The following PPP2R3B variants were observed in gnomAD, a reference collection of about 807,000 sequenced individuals.
The protein encoded by PPP2R3B is serine/threonine-protein phosphatase 2A regulatory subunit B'' subunit beta.
In PPP2R3B, 68 loss-of-function variants were observed where a neutral mutation model predicts 72.9. The observed-to-expected ratio is 0.93, with a 90% CI of 0.77 to 1.14. The LOEUF (loss-of-function observed/expected upper bound fraction) is 1.14, where lower values mean the gene tolerates loss of function less well. Ranked by LOEUF, PPP2R3B falls within the 50% of genes most tolerant of loss-of-function variation. The pLI is 0.00. For synonymous variants in PPP2R3B, 466 were observed against 375.8 expected, an observed-to-expected ratio of 1.24 and a Z score of -2.78; for missense variants, 1,018 against 842.0, an observed-to-expected ratio of 1.21 and a Z score of -2.59.
At chrX:357,611 CAAGGA>C (rs894607372) in intron 2 of PPP2R3B, among the ~76,000 whole-genome samples, 2 of 151,982 alleles carry the variant, frequency 1.3e-5, no homozygotes, top group Non-Finnish European at 2.9e-5. Context: ...TCGTACAAGA[CAAGGA>C]AAAGCTTTAG....
At chrX:366,630 A>ATG (rs2071714001) in intron 1 of PPP2R3B, among the ~76,000 whole-genome samples, 1 of 6,978 alleles carries the variant, frequency 1.4e-4, no homozygotes, top group Non-Finnish European at 2.5e-4. Flanking sequence ...CACAGGAGGC[A>ATG]GAGGTTGCAG....
Position 386,796 on chromosome X carries a change from G to T in PPP2R3B, c.-105C>A. ...CTCGGTGATGCGAGCACGGCCCGCT[G>T]AGGGGGCGCGGCGCAGGGAACAGGG... is the stretch of plus-strand genomic sequence containing the variant. On this transcript the variant is annotated 5_prime_UTR_variant, in exon 1 of 13. Transcript: ENST00000390665. The T allele has an allele frequency of 1.5e-6, 1 of 648,170 alleles. No homozygotes were observed. The highest frequency in any genetic ancestry group is 2.1e-6 in the Non-Finnish European group (1 of 484,696). The allele number at this position is 648,170 out of a possible 1,614,324, so 40.2% of individuals were successfully genotyped here.
chrX:386,609 G>T lies in PPP2R3B; in HGVS notation c.83C>A (p.Thr28Lys), dbSNP rs770624878. ...LFLYWLSEAS[T>K]QRMLQDCLRR... ...CAGGCAGTCCTGCAGCATCCGCTGCGTGCTGGCCTCGCTGAGCCAGTACAG... is the reference window on the plus strand; with the variant it reads ...CAGGCAGTCCTGCAGCATCCGCTGCTTGCTGGCCTCGCTGAGCCAGTACAG... Residue 28 changes from threonine (T) to lysine (K), a missense_variant, in exon 1 of 13, where the codon ACG becomes AAG. Thr to Lys is a moderately conservative substitution (Grantham distance 78, BLOSUM62 -1). Coordinates refer to ENST00000390665, the MANE Select transcript of PPP2R3B (RefSeq NM_013239.5). 2.1e-6 allele frequency: 3 copies of T among 1,447,908 alleles called. No individual in the cohort carries two copies. The highest frequency in any genetic ancestry group is 2.7e-6 in the Non-Finnish European group (3 of 1,101,140). 89.7% of individuals were successfully genotyped at this position (1,447,908 alleles called of 1,614,324 possible).
At chrX:356,922 TC>T (rs2045164959) in intron 2 of PPP2R3B, among the ~76,000 whole-genome samples, 1 of 106,764 alleles carries the variant, frequency 9.4e-6, no homozygotes, top group African/African-American at 3.5e-5. Flanking sequence ...AACCACGCCT[TC>T]GCCAGCCACA....
rs1458026948 is a variant in PPP2R3B at position 347,625 on chromosome X, G to A, written c.579C>T (p.Ser193=). The A allele has an allele frequency of 7.6e-6, 12 of 1,578,398 alleles. No individual in the cohort carries two copies. The highest frequency in any genetic ancestry group is 4.6e-5 in the South Asian group (4 of 87,336). ...TGGCGACGAACTTGTGGACGGACAC[G>A]GAGCCCGTGCGCTCCCCGCCGGCGC... ...FYGAGGERTG[S]VSVHKFVAMW... Residue 193 remains serine, a synonymous_variant, in exon 3 of 13, where the codon TCC becomes TCT. Transcript: ENST00000390665.
At chrX:363,856 C>T (rs1043182457) in intron 1 of PPP2R3B, among the ~76,000 whole-genome samples, 14 of 152,274 alleles carry the variant, frequency 9.2e-5, no homozygotes, top group Non-Finnish European at 1.6e-4. Flanking sequence ...CGCGAATATT[C>T]TGCAGTGAGC....
chrX:369,306 C>T (rs752824529), intron 1 of PPP2R3B, among the ~76,000 whole-genome samples: 9 of 152,270 alleles, frequency 5.9e-5, no homozygotes, highest in Admixed American at 2.0e-4. Flanking sequence ...TTTAAATCCT[C>T]CTCAGTACGT....
intron 1 of PPP2R3B, among the ~76,000 whole-genome samples, chrX:363,683 A>G (rs5945447): frequency 0.43 from 4,697 of 10,844 alleles, 256 homozygotes; most frequent in South Asian, 0.47. Flanking sequence ...GCATCTCCCC[A>G]AGCCCGCGAT....
intron 1 of PPP2R3B, among the ~76,000 whole-genome samples, chrX:383,837 CAAAAA>C (rs757960788): frequency 7.3e-3 from 332 of 45,526 alleles, no homozygotes; most frequent in African/African-American, 0.021. Flanking sequence ...GACTCCGTCT[CAAAAA>C]AAAAAAAAAA....
intron 2 of PPP2R3B, among the ~76,000 whole-genome samples, chrX:351,218 G>C (rs543006425): frequency 0.022 from 3,369 of 152,282 alleles, 51 homozygotes; most frequent in Non-Finnish European, 0.033. Context: ...CTGGCCACCT[G>C]GAAGGGCGTC....
At chrX:375,914 C>G (rs73613897) in intron 1 of PPP2R3B, among the ~76,000 whole-genome samples, 3 of 151,550 alleles carry the variant, frequency 2.0e-5, no homozygotes, top group African/African-American at 7.3e-5. Context: ...TGGAACACAG[C>G]CAGGCACAGT....
rs773266197 is a variant in PPP2R3B at position 378,000 on chromosome X, A to G, written c.324+8368T>C. Among the ~76,000 whole-genome samples, 4 of 151,708 alleles carry G rather than the reference A, an allele frequency of 2.6e-5. No homozygotes were observed. In the East Asian group the frequency reaches 7.8e-4, roughly 30 times the overall value. The stretch of plus-strand genomic sequence containing the variant: ...GTGGGGCCGCCATGGGGCTGTCTAT[A>G]CACTACTGTGTACAGGGACGGGCCG... On this transcript the variant is annotated intron_variant, in intron 1 of 12. Coordinates refer to ENST00000390665, the MANE Select transcript of PPP2R3B (RefSeq NM_013239.5).
chrX:359,523 G>A (rs565915393), intron 2 of PPP2R3B, among the ~76,000 whole-genome samples: 29 of 152,276 alleles, frequency 1.9e-4, no homozygotes, highest in African/African-American at 6.5e-4. Flanking sequence ...GTTTGCAACC[G>A]ACTGTAAGAA....
At chrX:371,052 C>A (rs1053464604) in intron 1 of PPP2R3B, among the ~76,000 whole-genome samples, 2 of 152,008 alleles carry the variant, frequency 1.3e-5, no homozygotes, top group African/African-American at 4.8e-5. Context: ...GAGGGCCAGG[C>A]TAGGCAGCAC....
intron 1 of PPP2R3B, among the ~76,000 whole-genome samples, chrX:379,069 C>CTG (rs572904464): frequency 0.38 from 56,217 of 148,480 alleles, 10,581 homozygotes; most frequent in African/African-American, 0.41. Flanking sequence ...GTGTATGCAC[C>CTG]TGTGTGTGTG....
At chrX:363,981 C>T (rs774175820) in intron 1 of PPP2R3B, among the ~76,000 whole-genome samples, 33 of 152,362 alleles carry the variant, frequency 2.2e-4, no homozygotes, top group East Asian at 7.7e-4. Flanking sequence ...TTCTAGACGG[C>T]GCCCACAGGC....
chrX:334,100 G>C lies in PPP2R3B; in HGVS notation c.*267C>G. On this transcript the variant is annotated 3_prime_UTR_variant, in exon 13 of 13. Transcript: ENST00000390665. Reference sequence around the variant, plus strand: ...CCACAGACGCAGGCCCCGGAACCCAGGCTGGGTCGGGAACGGCAAGCGCCA... The same window carrying C: ...CCACAGACGCAGGCCCCGGAACCCACGCTGGGTCGGGAACGGCAAGCGCCA... 2.8e-6 allele frequency: 1 copy of C among 363,340 alleles called. No homozygotes were observed. The highest frequency in any genetic ancestry group is 4.9e-6 in the Non-Finnish European group (1 of 204,098). 22.5% of individuals were successfully genotyped at this position (363,340 alleles called of 1,614,324 possible).
chrX:334,390 C>T lies in PPP2R3B; in HGVS notation c.1705G>A (p.Asp569Asn), dbSNP rs751011578. Residue 569 changes from aspartate to asparagine, a missense_variant, in exon 13 of 13, where the codon GAC becomes AAC. Coordinates refer to ENST00000390665, the MANE Select transcript of PPP2R3B (RefSeq NM_013239.5). ...AVDLYEYACG[D>N]EDLEPL Reference sequence around the variant, plus strand: ...CGTCACAGCGGCTCCAGGTCCTCGTCCCCGCATGCGTACTCGTACAGGTCC... The same window carrying T: ...CGTCACAGCGGCTCCAGGTCCTCGTTCCCGCATGCGTACTCGTACAGGTCC... 8.5e-6 allele frequency: 13 copies of T among 1,533,194 alleles called. No individual in the cohort carries two copies. The highest frequency in any genetic ancestry group is 1.0e-5 in the Non-Finnish European group (12 of 1,146,638). 95.0% of individuals were successfully genotyped at this position (1,533,194 alleles called of 1,614,324 possible).
At chrX:365,411 C>CGG (rs1468359314) in intron 1 of PPP2R3B, among the ~76,000 whole-genome samples, 7 of 33,914 alleles carry the variant, frequency 2.1e-4, no homozygotes, top group South Asian at 1.8e-3. Context: ...GGTGTGGTGG[C>CGG]GCATGCCTGT....
Sources: gnomAD v4.1 joint callset for allele counts (sites outside exome capture counted in the v4.1 genomes callset) on GRCh38, gnomAD v4.1.1 for gene constraint, MANE v1.5 for transcripts, NCBI Gene and HGNC (gene_info 2026-07-23, HGNC 2026-07-21) for gene names.